Variants in EPHA3 observed in about 807,000 individuals in gnomAD.
EPHA3 encodes the protein ephrin type-A receptor 3.
A neutral mutation model predicts 107.1 loss-of-function variants in EPHA3; 42 were observed. The ratio of observed to expected loss-of-function variants is 0.39; its 90% CI spans 0.31 to 0.51. The LOEUF is 0.51. EPHA3 is among the 20% of genes least tolerant of loss of function. The pLI is 0.78. For synonymous variants in EPHA3, 461 were observed against 424.8 expected (o/e 1.09, Z -1.05); for missense variants, 1,183 against 1,211.2 (o/e 0.98, Z 0.35).
intron 5 of EPHA3, among the ~76,000 whole-genome samples, chr3:89,359,589 A>C (rs1173726731): frequency 6.7e-6 from 1 of 149,898 alleles, no homozygotes; most frequent in African/African-American, 2.4e-5. Flanking sequence ...ATGTTTTTTA[A>C]ATTGTGATAC....
intron 5 of EPHA3, among the ~76,000 whole-genome samples, chr3:89,348,861 A>G (rs1420522525): frequency 1.5e-5 from 2 of 136,180 alleles, no homozygotes; most frequent in Non-Finnish European, 3.1e-5. Flanking sequence ...TTCTGCCTTC[A>G]TTTCGTTATG....
intron 13 of EPHA3, among the ~76,000 whole-genome samples, chr3:89,444,405 T>C (rs1196327629): frequency 6.6e-6 from 1 of 152,136 alleles, no homozygotes; most frequent in Non-Finnish European, 1.5e-5. Context: ...TCAAATTAAA[T>C]GTGTACAATG....
intron 1 of EPHA3, among the ~76,000 whole-genome samples, chr3:89,116,881 T>C (rs1160682452): frequency 6.6e-6 from 1 of 152,156 alleles, no homozygotes; most frequent in Non-Finnish European, 1.5e-5. Flanking sequence ...TTTCCTGTTA[T>C]TTGATTTTTT....
At chr3:89,329,657 A>T (rs927399310) in intron 3 of EPHA3, among the ~76,000 whole-genome samples, 9 of 152,146 alleles carry the variant, frequency 5.9e-5, no homozygotes, top group African/African-American at 9.6e-5. Flanking sequence ...AAGAAAAAAA[A>T]TGGTTATCTC....
At chr3:89,192,444 G>A (rs1705742392) in intron 2 of EPHA3, among the ~76,000 whole-genome samples, 1 of 151,374 alleles carries the variant, frequency 6.6e-6, no homozygotes, top group East Asian at 1.9e-4. Flanking sequence ...ATAAATAAAA[G>A]GTAAAATATA....
chr3:89,111,432 A>G (rs1362146888), intron 1 of EPHA3, among the ~76,000 whole-genome samples: 1 of 152,042 alleles, frequency 6.6e-6, no homozygotes, highest in Non-Finnish European at 1.5e-5. Flanking sequence ...ATAGCATTTC[A>G]TCATGCTAGA....
chr3:89,405,523 CCA>C (rs1208906993), intron 7 of EPHA3, among the ~76,000 whole-genome samples: 8 of 152,126 alleles, frequency 5.3e-5, no homozygotes, highest in Admixed American at 4.6e-4. Flanking sequence ...TGCCATCCTG[CCA>C]CACTCTGAGC....
chr3:89,227,159 T>C (rs1458498456), intron 3 of EPHA3, among the ~76,000 whole-genome samples: 1 of 152,118 alleles, frequency 6.6e-6, no homozygotes, highest in Non-Finnish European at 1.5e-5. Context: ...TTCATATTTT[T>C]ATATGTTAAA....
intron 3 of EPHA3, among the ~76,000 whole-genome samples, chr3:89,331,226 T>TG (rs1446444422): frequency 6.6e-6 from 1 of 152,192 alleles, no homozygotes; most frequent in East Asian, 1.9e-4. Context: ...TTTTTTATTG[T>TG]GTATGTGCAA....
At chr3:89,160,366 T>C (rs1349482319) in intron 2 of EPHA3, among the ~76,000 whole-genome samples, 1 of 152,144 alleles carries the variant, frequency 6.6e-6, no homozygotes. Context: ...AAAATGATGG[T>C]AATATTTAGA....
chr3:89,378,519 C>G (rs1347126617), intron 5 of EPHA3, among the ~76,000 whole-genome samples: 1 of 152,046 alleles, frequency 6.6e-6, no homozygotes, highest in Non-Finnish European at 1.5e-5. Flanking sequence ...CATGAAAAGG[C>G]TTAAGTTTAC....
chr3:89,458,532 A>G (rs1028010182), intron 15 of EPHA3, among the ~76,000 whole-genome samples: 2 of 152,196 alleles, frequency 1.3e-5, no homozygotes, highest in African/African-American at 4.8e-5. Context: ...TTGGGTATAT[A>G]CCCAGTAATG....
rs768142526 is a variant in EPHA3, at chr3:89,107,767, ATCC to A, written c.27_29del (p.Leu11del). The stretch of plus-strand genomic sequence containing the variant: ...CAGCAACATGGATTGTCAGCTCTCC[ATCC>A]TCCTCCTTCTCAGCTGCTCTGTTCT... On this transcript the variant is annotated inframe_deletion, in exon 1 of 17. Transcript: ENST00000336596. 2 of 1,614,108 alleles carry A rather than the reference ATCC, an allele frequency of 1.2e-6. No homozygotes were observed.
intron 2 of EPHA3, among the ~76,000 whole-genome samples, chr3:89,156,164 G>T (rs760471264): frequency 6.6e-6 from 1 of 152,008 alleles, no homozygotes; most frequent in Non-Finnish European, 1.5e-5. Context: ...TCATCAGGAA[G>T]ATTATAATGA....
intron 2 of EPHA3, among the ~76,000 whole-genome samples, chr3:89,182,674 C>T (rs932850151): frequency 6.6e-6 from 1 of 151,812 alleles, no homozygotes; most frequent in African/African-American, 2.4e-5. Context: ...CGTGCATAGG[C>T]ATGTGTGTAC....
At chr3:89,364,778 G>A (rs754399900) in intron 5 of EPHA3, among the ~76,000 whole-genome samples, 1 of 150,856 alleles carries the variant, frequency 6.6e-6, no homozygotes, top group African/African-American at 2.4e-5. Flanking sequence ...ATGCTGAGAT[G>A]GCCAATCAGT....
chr3:89,466,845 G>A (rs1710287261), intron 15 of EPHA3, among the ~76,000 whole-genome samples: 1 of 93,480 alleles, frequency 1.1e-5, no homozygotes, highest in African/African-American at 3.8e-5. Context: ...CGGCCATCTT[G>A]GCTCCTCCCT....
At chr3:89,366,265 G>A (rs1708182535) in intron 5 of EPHA3, among the ~76,000 whole-genome samples, 1 of 150,534 alleles carries the variant, frequency 6.6e-6, no homozygotes, top group African/African-American at 2.4e-5. Flanking sequence ...AATACCAACA[G>A]GCAGAGGGGA....
In EPHA3 at chr3:89,413,242, T is replaced by A. The variant is rs545022458; in HGVS notation, c.1864T>A (p.Ser622Thr). ...FAKELDATNI[S>T]IDKVVGAGEF... is the part of the protein sequence containing the mutation. ...CAAGGAATTGGATGCCACCAACATA[T>A]CCATTGATAAAGTTGTTGGAGCAGG... is the stretch of plus-strand genomic sequence containing the variant. Residue 622 changes from serine (S) to threonine (T), a missense_variant, in exon 10 of 17, where the codon TCC becomes ACC. Ser to Thr is a moderately conservative substitution (Grantham distance 58). Transcript: ENST00000336596. The A allele has an allele frequency of 9.9e-6, 16 of 1,611,660 alleles. No individual in the cohort carries two copies. In the Admixed American group the frequency reaches 2.0e-4, roughly 20 times the overall value.
Sources: gnomAD v4.1 joint callset for allele counts (sites outside exome capture counted in the v4.1 genomes callset) on GRCh38, gnomAD v4.1.1 for gene constraint, MANE v1.5 for transcripts, NCBI Gene and HGNC (gene_info 2026-07-23, HGNC 2026-07-21) for gene names.